The following ELN variants were observed in gnomAD, a reference collection of about 807,000 sequenced individuals.
ELN encodes tropoelastin.
In ELN, 65 loss-of-function variants were observed where a neutral mutation model predicts 105.8. The ratio of observed to expected loss-of-function variants is 0.61; its 90% CI spans 0.50 to 0.75. ELN has a LOEUF of 0.75. ELN is among the 30% of genes least tolerant of loss of function. ELN has a pLI of 0.00. For synonymous variants in ELN, 368 were observed against 389.2 expected, an observed-to-expected ratio of 0.95 and a Z score of 0.64; for missense variants, 882 against 969.4, an observed-to-expected ratio of 0.91 and a Z score of 1.20.
intron 11 of ELN, 98 bp from the exon 12 acceptor site, chr7:74,046,598 T>C (rs902978424): frequency 2.1e-5 from 28 of 1,317,320 alleles, no homozygotes; most frequent in Admixed American, 7.2e-5. Context: ...TTCTGGATGC[T>C]GTAGCAAGCT....
chr7:74,043,872 G>A lies in ELN; in HGVS notation c.428-7G>A. ...CTGCTAGTAACTTTGCTTTCTTTTGGCCACAGGTGTGGGGCTGCCAGGTGT... is the reference window on the plus strand; with the variant it reads ...CTGCTAGTAACTTTGCTTTCTTTTGACCACAGGTGTGGGGCTGCCAGGTGT... On this transcript the variant is annotated splice_region_variant and splice_polypyrimidine_tract_variant and intron_variant, in intron 8 of 32. Transcript: ENST00000252034. 4 of 1,614,034 alleles carry A rather than the reference G, an allele frequency of 2.5e-6. No individual in the cohort carries two copies. The highest frequency in any genetic ancestry group is 3.4e-6 in the Non-Finnish European group (4 of 1,179,972).
At chr7:74,044,567 G>A (rs562289140) in intron 9 of ELN, among the ~76,000 whole-genome samples, 1 of 152,270 alleles carries the variant, frequency 6.6e-6, no homozygotes, top group Admixed American at 6.5e-5. Context: ...CACCCAATGA[G>A]TCTGCCCTGC....
intron 1 of ELN, among the ~76,000 whole-genome samples, chr7:74,034,533 C>A (rs1407677355): frequency 6.6e-6 from 1 of 152,178 alleles, no homozygotes; most frequent in Non-Finnish European, 1.5e-5. Context: ...CATACTGACA[C>A]CCCATCTTTA....
At chr7:74,047,605 G>A in intron 12 of ELN, 70 bp from the exon 13 acceptor site, 1 of 1,592,352 alleles carries the variant, frequency 6.3e-7, no homozygotes, top group South Asian at 1.1e-5. Context: ...GGGTAGATCT[G>A]TCCACCCAGG....
chr7:74,041,282 C>T, intron 5 of ELN, 31 bp downstream of exon 5: 5 of 1,613,614 alleles, frequency 3.1e-6, no homozygotes, highest in Non-Finnish European at 4.2e-6. Context: ...AAGATATCCC[C>T]TGTGGGGACC....
In ELN at chr7:74,037,700, T is replaced by A; in HGVS notation, c.164-7T>A. Reference sequence around the variant, plus strand: ...ACCCCATTCACTATCTTCTCTTCCCTCTGCAGCGCTGGGGCCTGGAGGCAA... The same window carrying A: ...ACCCCATTCACTATCTTCTCTTCCCACTGCAGCGCTGGGGCCTGGAGGCAA... On this transcript the variant is annotated splice_region_variant and splice_polypyrimidine_tract_variant and intron_variant, in intron 3 of 32. Coordinates refer to ENST00000252034, the MANE Select transcript of ELN (RefSeq NM_000501.4). 1 of 1,611,848 alleles carries A rather than the reference T, an allele frequency of 6.2e-7. No individual in the cohort carries two copies. Among genetic ancestry groups the A allele is most frequent in the African/African-American group, 1.3e-5 (1 of 75,014 alleles).
In ELN at chr7:74,068,732, C is replaced by A. The variant is rs1003063715; in HGVS notation, c.*32C>A. The A allele has an allele frequency of 1.9e-6, 3 of 1,613,052 alleles. No homozygotes were observed. The African/African-American group carries it at 4.0e-5, about 22-fold the overall frequency. ...TAGGACCCCTGACTCACGACCTCAT[C>A]AACGTTGGTGCTACTGCTTGGTGGA... On this transcript the variant is annotated 3_prime_UTR_variant, in exon 33 of 33. Coordinates refer to ENST00000252034, the MANE Select transcript of ELN (RefSeq NM_000501.4).
intron 13 of ELN, 82 bp downstream of exon 13, chr7:74,047,798 T>G: frequency 2.5e-6 from 4 of 1,598,090 alleles, no homozygotes; most frequent in Non-Finnish European, 3.4e-6. Context: ...CTTCCAGCCC[T>G]GGGCCAGGAG....
At chr7:74,037,631 C>T in intron 3 of ELN, 76 bp from the exon 4 acceptor site, 1 of 1,569,790 alleles carries the variant, frequency 6.4e-7, no homozygotes, top group Non-Finnish European at 8.6e-7. Context: ...CCACACTTTG[C>T]CCGGGTTGGG....
At chr7:74,053,350 G>A (rs1274548367) in intron 18 of ELN, 41 bp downstream of exon 18, 3 of 1,601,728 alleles carry the variant, frequency 1.9e-6, no homozygotes, top group Admixed American at 1.7e-5. Flanking sequence ...GTGTGTGTGT[G>A]TGTGTGTGTA....
chr7:74,035,519 T>A, intron 2 of ELN, 105 bp downstream of exon 2: 1 of 1,369,926 alleles, frequency 7.3e-7, no homozygotes, highest in Non-Finnish European at 1.0e-6. Context: ...TTGACACGCC[T>A]ACCAGAAGTC....
chr7:74,048,638 A>T, intron 15 of ELN, 82 bp downstream of exon 15: 3 of 1,566,638 alleles, frequency 1.9e-6, no homozygotes, highest in Non-Finnish European at 2.6e-6. Context: ...GCCTGCCTCC[A>T]AAGTGGCCCC....
chr7:74,058,292 TCTC>T (rs1554681744), intron 22 of ELN, among the ~76,000 whole-genome samples: 22 of 106,980 alleles, frequency 2.1e-4, no homozygotes, highest in African/African-American at 7.7e-4. Flanking sequence ...TCTGCTTCTT[TCTC>T]CTCCTTCTTC....
At chr7:74,044,820 T>C (rs1484247456) in intron 9 of ELN, among the ~76,000 whole-genome samples, 1 of 152,238 alleles carries the variant, frequency 6.6e-6, no homozygotes, top group East Asian at 1.9e-4. Context: ...GCTGGATGGC[T>C]GCTTTGGGGG....
At chr7:74,062,313 G>A (rs1796877295) in intron 26 of ELN, 1 of 152,334 alleles carries the variant, frequency 6.6e-6, no homozygotes, top group Non-Finnish European at 1.5e-5. Flanking sequence ...GACATTGCCA[G>A]GGAAACAGAG....
rs1797105308 is a variant in ELN at position 74,063,292 on chromosome 7, C to T, written c.1859-18C>T. On this transcript the variant is annotated intron_variant, in intron 27 of 32. Coordinates refer to ENST00000252034, the MANE Select transcript of ELN (RefSeq NM_000501.4). This position sits in a 1 kb window ranked among gnomAD's most constrained non-coding sequence, Gnocchi z 4.1. ...AACCAGTACAGAGTGCCTCCCTGAA[C>T]TCGGTCTGTGTTCCCAGGAGCCGGA... 7 of 1,565,084 alleles carry T rather than the reference C, an allele frequency of 4.5e-6. No individual in the cohort carries two copies. In the East Asian group the frequency reaches 1.2e-4, roughly 26 times the overall value.
chr7:74,041,386 C>T (rs888227444), intron 5 of ELN, 135 bp downstream of exon 5: 3 of 1,078,960 alleles, frequency 2.8e-6, no homozygotes, highest in Middle Eastern at 2.4e-4. Flanking sequence ...GGGACTGATG[C>T]TGATACCAAC....
Position 74,048,563 on chromosome 7 carries a change from G to T in ELN, c.799+7G>T. The T allele has an allele frequency of 6.2e-7, 1 of 1,613,720 alleles. No homozygotes were observed. The highest frequency in any genetic ancestry group is 2.2e-5 in the East Asian group (1 of 44,880). ...AAAGCAGCAGCAAAGTTCGGTGAGT[G>T]CCCCTGGAGTCCCCACCTGGTGGCC... On this transcript the variant is annotated splice_region_variant and intron_variant, in intron 15 of 32. Coordinates refer to ENST00000252034, the MANE Select transcript of ELN (RefSeq NM_000501.4).
chr7:74,045,111 A>T, intron 9 of ELN, 111 bp from the exon 10 acceptor site: 2 of 1,222,700 alleles, frequency 1.6e-6, no homozygotes, highest in Non-Finnish European at 2.4e-6. Context: ...CGTGCCTGTC[A>T]CTGACAGTCA....
Sources: allele counts gnomAD v4.1 joint callset (sites outside exome capture counted in the v4.1 genomes callset), GRCh38; gene constraint gnomAD v4.1.1; non-coding constraint Gnocchi (gnomAD v3.1); transcripts MANE v1.5; gene names NCBI Gene and HGNC (gene_info 2026-07-23, HGNC 2026-07-21).